GRIK2: variants seen among roughly 807,000 people sequenced by gnomAD.
GRIK2 encodes the protein glutamate receptor ionotropic, kainate 2.
Under a neutral mutation model 100.3 loss-of-function variants are expected in GRIK2, and 32 were observed. The observed-to-expected ratio is 0.32, with a 90% CI of 0.24 to 0.43. The LOEUF (loss-of-function observed/expected upper bound fraction) is 0.43, where lower values mean the gene tolerates loss of function less well. Ranked by LOEUF, GRIK2 falls within the 20% of genes least tolerant of loss-of-function variation. GRIK2 has a pLI of 1.00. For synonymous variants in GRIK2, 417 were observed against 389.4 expected (o/e 1.07, Z -0.83); for missense variants, 843 against 1,114.9 (o/e 0.76, Z 3.47).
chr6:101,659,870 T>A (rs1252095200), intron 4 of GRIK2, among the ~76,000 whole-genome samples: 2 of 152,184 alleles, frequency 1.3e-5, no homozygotes, highest in Non-Finnish European at 1.5e-5. Flanking sequence ...CCTTTGTGGG[T>A]AACCAGATCT....
At chr6:101,782,419 AC>A (rs1336114744) in intron 7 of GRIK2, among the ~76,000 whole-genome samples, 1 of 152,014 alleles carries the variant, frequency 6.6e-6, no homozygotes, top group Non-Finnish European at 1.5e-5. Flanking sequence ...CATGAGACCA[AC>A]CTTTCCATAG....
At chr6:101,421,053 C>G (rs1776388170) in intron 2 of GRIK2, among the ~76,000 whole-genome samples, 1 of 152,150 alleles carries the variant, frequency 6.6e-6, no homozygotes, top group Non-Finnish European at 1.5e-5. Flanking sequence ...CCCCTTCTGT[C>G]ATCTTATCTC....
Position 101,813,437 on chromosome 6 carries a change from T to G in GRIK2, c.1204-4933T>G, listed in dbSNP as rs531099887. On this transcript the variant is annotated intron_variant, in intron 9 of 16. Coordinates refer to ENST00000369134, the MANE Select transcript of GRIK2 (RefSeq NM_021956.5). ...CATAAAAGTATGTCACATAATTATC[T>G]TTTATAATAAATTATCTTGTGTAAG... Among the ~76,000 whole-genome samples the G allele has an allele frequency of 7.9e-5, 12 of 152,314 alleles. No homozygotes were observed. The South Asian group carries it at 2.3e-3, about 29-fold the overall frequency.
intron 2 of GRIK2, among the ~76,000 whole-genome samples, chr6:101,422,943 T>C (rs566908113): frequency 6.6e-6 from 1 of 152,324 alleles, no homozygotes; most frequent in African/African-American, 2.4e-5. Context: ...GGAATTCATC[T>C]GAACTTTCAT....
chr6:101,945,903 A>G (rs1168799384), intron 14 of GRIK2, among the ~76,000 whole-genome samples: 3 of 128,140 alleles, frequency 2.3e-5, no homozygotes, highest in Admixed American at 8.5e-5. Flanking sequence ...TAGATTCTCT[A>G]TCTACTGTTT....
At chr6:102,023,121 G>GATC (rs374382020) in intron 14 of GRIK2, among the ~76,000 whole-genome samples, 4 of 151,192 alleles carry the variant, frequency 2.6e-5, no homozygotes, top group African/African-American at 9.7e-5. Context: ...AATATATGGT[G>GATC]ATCATTGGCA....
intron 2 of GRIK2, among the ~76,000 whole-genome samples, chr6:101,494,498 C>A (rs1288086291): frequency 1.3e-5 from 2 of 151,854 alleles, no homozygotes; most frequent in Non-Finnish European, 1.5e-5. Flanking sequence ...AAAACTTTAA[C>A]AATTATTACT....
intron 2 of GRIK2, among the ~76,000 whole-genome samples, chr6:101,570,635 G>T (rs1165602940): frequency 6.6e-6 from 1 of 152,016 alleles, no homozygotes; most frequent in African/African-American, 2.4e-5. Context: ...GAGGATCATC[G>T]ATAGAACCAC....
chr6:101,799,928 A>T, intron 8 of GRIK2, 137 bp downstream of exon 8: 1 of 662,182 alleles, frequency 1.5e-6, no homozygotes, highest in Non-Finnish European at 2.5e-6. Context: ...AAATAAGCAA[A>T]ATTAACATTT....
intron 4 of GRIK2, among the ~76,000 whole-genome samples, chr6:101,667,943 C>T (rs546506729): frequency 6.6e-6 from 1 of 152,214 alleles, no homozygotes; most frequent in South Asian, 2.1e-4. Context: ...TTATCCCTGA[C>T]ATGCAAGTTA....
At chr6:101,594,776 A>C (rs370129198) in intron 2 of GRIK2, among the ~76,000 whole-genome samples, 1 of 151,798 alleles carries the variant, frequency 6.6e-6, no homozygotes, top group Non-Finnish European at 1.5e-5. Flanking sequence ...GTGACATATG[A>C]GTTATGTTTA....
chr6:101,448,844 C>T (rs1021580274), intron 2 of GRIK2, among the ~76,000 whole-genome samples: 7 of 151,414 alleles, frequency 4.6e-5, no homozygotes, highest in African/African-American at 1.7e-4. Context: ...GCTAGAAAGT[C>T]CTTTATAATC....
intron 11 of GRIK2, among the ~76,000 whole-genome samples, chr6:101,886,048 C>A (rs891348891): frequency 2.6e-5 from 4 of 152,172 alleles, no homozygotes; most frequent in African/African-American, 7.2e-5. Context: ...TAAAATCCTT[C>A]TGTGCTCCAC....
chr6:101,534,741 T>C (rs1294025363), intron 2 of GRIK2, among the ~76,000 whole-genome samples: 2 of 151,846 alleles, frequency 1.3e-5, no homozygotes, highest in Non-Finnish European at 2.9e-5. Flanking sequence ...CTAATTGCAC[T>C]AAAACAACAA....
intron 12 of GRIK2, among the ~76,000 whole-genome samples, chr6:101,902,884 A>G (rs1345766911): frequency 6.6e-6 from 1 of 151,896 alleles, no homozygotes. Flanking sequence ...GTAATAGGAA[A>G]CTTCACCATG....
chr6:101,430,517 G>T, intron 2 of GRIK2: 1 of 179,028 alleles, frequency 5.6e-6, no homozygotes. Context: ...CTTGATCTTC[G>T]TGGTGTTGGG....
chr6:101,893,755 A>G (rs918413633), intron 12 of GRIK2, among the ~76,000 whole-genome samples: 19 of 151,728 alleles, frequency 1.3e-4, no homozygotes, highest in African/African-American at 4.6e-4. Context: ...TTATTCAACA[A>G]TATCTATTGG....
chr6:102,068,323 T>C, intron 16 of GRIK2, 24 bp from the exon 17 acceptor site: 2 of 1,561,048 alleles, frequency 1.3e-6, no homozygotes, highest in Non-Finnish European at 8.8e-7. Context: ...TTGTAATATT[T>C]AATTTTTCTG....
intron 11 of GRIK2, among the ~76,000 whole-genome samples, chr6:101,866,925 T>A (rs1335009152): frequency 2.0e-5 from 3 of 151,692 alleles, no homozygotes; most frequent in African/African-American, 7.3e-5. Flanking sequence ...TGTGAATGTG[T>A]GTGTGTGTGT....
Sources: allele counts gnomAD v4.1 joint callset (sites outside exome capture counted in the v4.1 genomes callset), GRCh38; gene constraint gnomAD v4.1.1; transcripts MANE v1.5; gene names NCBI Gene and HGNC (gene_info 2026-07-23, HGNC 2026-07-21).